The following LMO7 variants were observed in gnomAD, a reference collection of about 807,000 sequenced individuals.
LMO7 encodes LIM domain 7, also known as LIM domain only protein 7.
LMO7 carries 120 observed loss-of-function variants against 206.5 expected under a neutral mutation model. The ratio of observed to expected loss-of-function variants is 0.58; its 90% CI spans 0.50 to 0.68. The LOEUF (loss-of-function observed/expected upper bound fraction) is 0.68. LMO7 is among the 30% of genes least tolerant of loss of function. The probability of loss-of-function intolerance (pLI) is 0.00; values close to 1 mark genes in which losing one functional copy is unlikely to be tolerated. For missense variants in LMO7, 1,959 were observed against 1,957.9 expected (o/e 1.00, Z -0.01); for synonymous variants, 706 against 681.5 (o/e 1.04, Z -0.56).
intron 3 of LMO7, among the ~76,000 whole-genome samples, chr13:75,752,083 ACTCT>A (rs34847246): frequency 1.5e-3 from 222 of 151,734 alleles, no homozygotes; most frequent in Middle Eastern, 3.4e-3. Flanking sequence ...TGTAAATTAG[ACTCT>A]CTCTCTATAT....
At chr13:75,715,743 A>G (rs9573628) in intron 2 of LMO7, among the ~76,000 whole-genome samples, 11,701 of 152,246 alleles carry the variant, frequency 0.077, 991 homozygotes, top group African/African-American at 0.2. Context: ...ATTTAGTATG[A>G]AACCTGTAAC....
intron 4 of LMO7, among the ~76,000 whole-genome samples, chr13:75,791,554 T>C (rs1218589757): frequency 6.6e-6 from 1 of 152,198 alleles, no homozygotes; most frequent in Admixed American, 6.5e-5. Flanking sequence ...AATATTTTTA[T>C]GTGCTTGCCA....
chr13:75,681,710 A>G lies in LMO7; in HGVS notation c.70-31472A>G, dbSNP rs1480100917. 2.0e-3 allele frequency among the ~76,000 whole-genome samples: 213 copies of G among 106,976 alleles called. 1 individual carries two copies. The highest frequency in any genetic ancestry group is 6.4e-3 in the African/African-American group (187 of 29,284). The allele number at this position is 106,976 out of a possible 152,430, so 70.2% of individuals were successfully genotyped here. A position where few individuals can be genotyped will look rare whatever the true frequency, so the allele number is the denominator to read the frequency against. ...CATGTATGTATGTATGTATGTGTATATATATATGTATATATATATATATAT... is the reference window on the plus strand; with the variant it reads ...CATGTATGTATGTATGTATGTGTATGTATATATGTATATATATATATATAT... On this transcript the variant is annotated intron_variant, in intron 1 of 30. Coordinates refer to ENST00000377534, the MANE Select transcript of LMO7 (RefSeq NM_001306080.2).
intron 12 of LMO7, among the ~76,000 whole-genome samples, chr13:75,818,537 G>C (rs563342829): frequency 4.2e-4 from 62 of 148,032 alleles, no homozygotes; most frequent in African/African-American, 1.4e-3. Flanking sequence ...AACCAGCCTA[G>C]GTTTCTGGGG....
rs752615190 is a variant in LMO7, at chr13:75,823,528, CAG to C, written c.2641-35_2641-34del. ...CTTTTAAAAACAGAAATAAAGGTAA[CAG>C]AATATCAAGTTTAAAATGATGTTTT... On this transcript the variant is annotated intron_variant, in intron 14 of 30. Transcript: ENST00000377534. 1.1e-5 allele frequency: 16 copies of C among 1,455,424 alleles called. No homozygotes were observed. In the Admixed American group the frequency reaches 2.9e-4, roughly 27 times the overall value. The allele number at this position is 1,455,424 out of a possible 1,614,324, so 90.2% of individuals were successfully genotyped here.
intron 1 of LMO7, among the ~76,000 whole-genome samples, chr13:75,699,344 TG>T (rs2042118080): frequency 1.3e-5 from 2 of 152,110 alleles, no homozygotes; most frequent in Admixed American, 1.3e-4. Flanking sequence ...CAGTTTGAGG[TG>T]TGACAACCAA....
chr13:75,812,905 C>G (rs2056566369), intron 11 of LMO7, among the ~76,000 whole-genome samples: 1 of 152,222 alleles, frequency 6.6e-6, no homozygotes, highest in African/African-American at 2.4e-5. Flanking sequence ...ACACAACATA[C>G]TAGAGCTGTG....
rs2060645640 is a variant in LMO7 at position 75,853,336 on chromosome 13, C to G, written c.4609C>G (p.Pro1537Ala). The G allele has an allele frequency of 1.2e-6, 2 of 1,613,196 alleles. No homozygotes were observed. The highest frequency in any genetic ancestry group is 8.5e-7 in the Non-Finnish European group (1 of 1,179,602). The stretch of plus-strand genomic sequence containing the variant: ...TGTGGCCACCACACAGTCCCCCACC[C>G]CGAGAAGCCATTCCCCTTCAGCTTC... ...TGVATTQSPTPRSHSPSASQS... is the reference protein window; with the variant it reads ...TGVATTQSPTARSHSPSASQS... The change falls in exon 28 of 31, where the codon CCG becomes GCG. Residue 1537 changes from proline to alanine, a missense_variant. By Grantham distance (27) the Pro-to-Ala change is conservative (BLOSUM62 -1). Transcript: ENST00000377534.
Position 75,800,871 on chromosome 13 carries a change from G to C in LMO7, c.650G>C (p.Gly217Ala), listed in dbSNP as rs184524173. The stretch of plus-strand genomic sequence containing the variant: ...TGCTCCTCTGATATCACGTTGAGAG[G>C]GGGGCGTGAAGGTGTGTTGTGTTTT... The part of the protein sequence containing the change: ...TSCSSDITLR[G>A]GREGFESDTD... Residue 217 changes from glycine (G) to alanine (A), a missense_variant, in exon 7 of 31, where the codon GGG becomes GCG. Gly to Ala is a moderately conservative substitution (Grantham distance 60, BLOSUM62 0). Coordinates refer to ENST00000377534, the MANE Select transcript of LMO7 (RefSeq NM_001306080.2). The C allele has an allele frequency of 3.1e-6, 5 of 1,613,900 alleles. No individual in the cohort carries two copies. Among genetic ancestry groups the C allele is most frequent in the Middle Eastern group, 1.6e-4 (1 of 6,062 alleles).
chr13:75,815,573 T>C (rs1202124793), intron 11 of LMO7, among the ~76,000 whole-genome samples: 3 of 152,222 alleles, frequency 2.0e-5, no homozygotes, highest in Admixed American at 6.5e-5. Context: ...AAGTTGGAAA[T>C]ACCTGTCCAG....
At chr13:75,744,352 A>G (rs764947375) in intron 3 of LMO7, among the ~76,000 whole-genome samples, 1 of 152,242 alleles carries the variant, frequency 6.6e-6, no homozygotes, top group Non-Finnish European at 1.5e-5. Flanking sequence ...CTAGAGTTCC[A>G]AAACCTGCCT....
At chr13:75,716,022 G>C (rs1284439629) in intron 2 of LMO7, among the ~76,000 whole-genome samples, 2 of 152,142 alleles carry the variant, frequency 1.3e-5, no homozygotes, top group Non-Finnish European at 2.9e-5. Flanking sequence ...TACAGGAAAA[G>C]GCTGACTTCT....
chr13:75,650,448 A>T (rs934536283), intron 1 of LMO7, among the ~76,000 whole-genome samples: 1 of 151,498 alleles, frequency 6.6e-6, no homozygotes, highest in East Asian at 1.9e-4. Context: ...TCTTAATGAT[A>T]CTTCATCCTG....
At chr13:75,785,166 A>T (rs1366374896) in intron 4 of LMO7, among the ~76,000 whole-genome samples, 12 of 152,170 alleles carry the variant, frequency 7.9e-5, no homozygotes, top group Admixed American at 3.9e-4. Flanking sequence ...TGAGAAAAAA[A>T]TGAGTTATAG....
chr13:75,731,737 C>A (rs1288336565), intron 3 of LMO7, among the ~76,000 whole-genome samples: 1 of 152,066 alleles, frequency 6.6e-6, no homozygotes, highest in Non-Finnish European at 1.5e-5. Flanking sequence ...ATGGTCTTTA[C>A]ATTTTGGCAT....
chr13:75,807,648 T>A lies in LMO7; in HGVS notation c.1365T>A (p.Asp455Glu), dbSNP rs760580919. 2 of 1,613,990 alleles carry A rather than the reference T, an allele frequency of 1.2e-6. No individual in the cohort carries two copies. Among genetic ancestry groups the A allele is most frequent in the Admixed American group, 3.3e-5 (2 of 60,014 alleles). ...RRDDLEMAAL[D>E]PDLENDDFFV... ...ATGACCTCGAGATGGCAGCCCTGGA[T>A]CCTGACTTAGAGAATGATGATTTCT... The change falls in exon 10 of 31, where the codon GAT becomes GAA. Residue 455 changes from aspartate (D) to glutamate (E), a missense_variant. Physicochemically the swap from Asp to Glu is conservative, Grantham distance 45. Transcript: ENST00000377534.
rs539573877 is a variant in LMO7 at position 75,715,678 on chromosome 13, C to T, written c.140+2426C>T. On this transcript the variant is annotated intron_variant, in intron 2 of 30. Transcript: ENST00000377534. ...GTTGTTCATAGTCACTGTTTGATGA[C>T]GACACATTCATCTAAAAGCTGTGGT... Among the ~76,000 whole-genome samples the T allele has an allele frequency of 6.6e-5, 10 of 152,288 alleles. No homozygotes were observed. In the South Asian group the frequency reaches 8.3e-4, roughly 13 times the overall value.
At chr13:75,774,765 T>A (rs2050163204) in intron 4 of LMO7, among the ~76,000 whole-genome samples, 1 of 152,166 alleles carries the variant, frequency 6.6e-6, no homozygotes, top group Non-Finnish European at 1.5e-5. Flanking sequence ...AGAAGCCCTT[T>A]GTTAGATATA....
intron 13 of LMO7, among the ~76,000 whole-genome samples, 163 bp from the exon 14 acceptor site, chr13:75,821,014 A>T (rs2057526751): frequency 6.7e-6 from 1 of 148,248 alleles, no homozygotes; most frequent in South Asian, 2.2e-4. Flanking sequence ...AAAAAAAAAA[A>T]GATAATTGTA....
Sources: gnomAD v4.1 joint callset for allele counts (sites outside exome capture counted in the v4.1 genomes callset) on GRCh38, gnomAD v4.1.1 for gene constraint, MANE v1.5 for transcripts, NCBI Gene and HGNC (gene_info 2026-07-23, HGNC 2026-07-21) for gene names.